ACP5: variants seen among roughly 807,000 people sequenced by gnomAD.
ACP5 encodes tartrate-resistant acid phosphatase type 5.
ACP5 carries 24 observed loss-of-function variants against 28.7 expected under a neutral mutation model. The ratio of observed to expected loss-of-function variants is 0.84; its 90% confidence interval spans 0.61 to 1.18. The LOEUF (loss-of-function observed/expected upper bound fraction) is 1.18, where lower values mean the gene tolerates loss of function less well. ACP5 is among the 50% of genes most tolerant of loss of function. The pLI is 0.00. For missense variants in ACP5, 354 were observed against 422.2 expected (o/e 0.84, Z 1.42); for synonymous variants, 154 against 181.4 (o/e 0.85, Z 1.21).
Position 11,576,244 on chromosome 19 carries a change from T to A in ACP5, c.734A>T (p.Gln245Leu). 6.2e-7 allele frequency: 1 copy of A among 1,600,856 alleles called. No individual in the cohort carries two copies. Among genetic ancestry groups the A allele is most frequent in the Non-Finnish European group, 8.5e-7 (1 of 1,177,012 alleles). ...CCACCCCACCCACAGGGCCCTCACCTGCAGATTGTGATCGTGGCCGCACAG... is the reference window on the plus strand; with the variant it reads ...CCACCCCACCCACAGGGCCCTCACCAGCAGATTGTGATCGTGGCCGCACAG... ...AYLCGHDHNL[Q>L]YLQDENGVGY... Residue 245 changes from glutamine (Q) to leucine (L), a missense_variant and splice_region_variant, in exon 4 of 5, where the codon CAG becomes CTG. Transcript: ENST00000648477.
chr19:11,576,225 C>A lies in ACP5; in HGVS notation c.735+18G>T. Reference sequence around the variant, plus strand: ...GACCCCCCTCACCCAGCTCCCACCCCACCCACAGGGCCCTCACCTGCAGAT... The same window carrying A: ...GACCCCCCTCACCCAGCTCCCACCCAACCCACAGGGCCCTCACCTGCAGAT... On this transcript the variant is annotated intron_variant, in intron 4 of 4. Transcript: ENST00000648477. 1 of 1,600,566 alleles carries A rather than the reference C, an allele frequency of 6.2e-7. No individual in the cohort carries two copies. The highest frequency in any genetic ancestry group is 2.2e-5 in the East Asian group (1 of 44,796).
intron 4 of ACP5, chr19:11,575,666 TG>T: frequency 4.0e-6 from 1 of 248,690 alleles, no homozygotes; most frequent in Non-Finnish European, 8.0e-6. Context: ...GAGATCAGCC[TG>T]GCCAACATGG....
chr19:11,577,594 C>G lies in ACP5; in HGVS notation c.-2G>C, dbSNP rs1334655159. The G allele has an allele frequency of 2.9e-5, 16 of 547,888 alleles. No homozygotes were observed. In the East Asian group the frequency reaches 5.1e-4, roughly 17 times the overall value. The allele number at this position is 547,888 out of a possible 1,614,324, so 33.9% of individuals were successfully genotyped here. ...CCACCTAGCCTGCCCAGCACTCACC[C>G]AGGGGGAGACACAGGCCAGTCACCG... On this transcript the variant is annotated splice_region_variant and 5_prime_UTR_variant, in exon 1 of 5. Coordinates refer to ENST00000648477, the MANE Select transcript of ACP5 (RefSeq NM_001611.5). The surrounding 1 kb of genome is among the most constrained non-coding windows in gnomAD (Gnocchi z 5.7).
At chr19:11,575,791 A>G (rs1973113364) in intron 4 of ACP5, among the ~76,000 whole-genome samples, 1 of 149,374 alleles carries the variant, frequency 6.7e-6, no homozygotes, top group African/African-American at 2.5e-5. Context: ...CAGGAGGCGG[A>G]GGTTGCAGTG....
At chr19:11,576,097 G>A in intron 4 of ACP5, 146 bp downstream of exon 4, 2 of 624,456 alleles carry the variant, frequency 3.2e-6, no homozygotes, top group East Asian at 5.7e-5. Flanking sequence ...TGTTTTCCTG[G>A]TTAGACAGCA....
Position 11,577,632 on chromosome 19 carries a change from G to A in ACP5, c.-40C>T. 2.0e-6 allele frequency: 1 copy of A among 499,872 alleles called. No homozygotes were observed. The highest frequency in any genetic ancestry group is 3.7e-6 in the Non-Finnish European group (1 of 272,602). The allele number at this position is 499,872 out of a possible 1,614,324, so 31.0% of individuals were successfully genotyped here. Reference sequence around the variant, plus strand: ...AGGCCAGTCACCGGAGGCTCTGAGAGGCTGGTGGGCTCTAGAGTAGAACTG... The same window carrying A: ...AGGCCAGTCACCGGAGGCTCTGAGAAGCTGGTGGGCTCTAGAGTAGAACTG... On this transcript the variant is annotated 5_prime_UTR_variant, in exon 1 of 5. Coordinates refer to ENST00000648477, the MANE Select transcript of ACP5 (RefSeq NM_001611.5). This position sits in a 1 kb window ranked among gnomAD's most constrained non-coding sequence, Gnocchi z 5.7.
chr19:11,575,314 C>T, intron 4 of ACP5, 62 bp from the exon 5 acceptor site: 3 of 1,602,370 alleles, frequency 1.9e-6, no homozygotes, highest in Non-Finnish European at 2.6e-6. Context: ...TGCCTAAGGT[C>T]CAGGGCTCGA....
At position 11,575,162 on chromosome 19, in the gene ACP5, T is replaced by C. The variant is rs1482562117; in HGVS notation, c.826A>G (p.Asn276Asp). Residue 276 changes from asparagine to aspartate, a missense_variant, in exon 5 of 5, where the codon AAC becomes GAC. By Grantham distance (23) the Asn-to-Asp change is conservative. Coordinates refer to ENST00000648477, the MANE Select transcript of ACP5 (RefSeq NM_001611.5). ...CCATAGTGGAAGCGCAGATAGCCGT[T>C]GGGGACCTTGCGCTGGTGCCGCTTT... Reference protein sequence around the residue: ...PSKRHQRKVPNGYLRFHYGTE... With the variant: ...PSKRHQRKVPDGYLRFHYGTE... 4 of 1,614,056 alleles carry C rather than the reference T, an allele frequency of 2.5e-6. No individual in the cohort carries two copies. The highest frequency in any genetic ancestry group is 3.4e-6 in the Non-Finnish European group (4 of 1,180,036).
In ACP5 at chr19:11,577,081, T is replaced by C; in HGVS notation, c.237A>G (p.Gln79=). ...LGDNFYFTGV[Q]DINDKRFQET... ...CCTGGAACCTCTTGTCATTGATGTC[T>C]TGCACACCAGTGAAGTAAAAATTGT... Residue 79 remains glutamine, a synonymous_variant, in exon 2 of 5, where the codon CAA becomes CAG. Transcript: ENST00000648477. The surrounding 1 kb of genome is among the most constrained non-coding windows in gnomAD (Gnocchi z 5.7). 6.2e-7 allele frequency: 1 copy of C among 1,614,118 alleles called. No individual in the cohort carries two copies. Among genetic ancestry groups the C allele is most frequent in the Admixed American group, 1.7e-5 (1 of 60,006 alleles).
chr19:11,574,786 A>G lies in ACP5; in HGVS notation c.*224T>C. ...CTCAGCAAAGGTGAGCCAGCCACAG[A>G]GCATAACACTGTGGCTGGGACACAT... On this transcript the variant is annotated 3_prime_UTR_variant, in exon 5 of 5. Coordinates refer to ENST00000648477, the MANE Select transcript of ACP5 (RefSeq NM_001611.5). 1 of 486,472 alleles carries G rather than the reference A, an allele frequency of 2.1e-6. No homozygotes were observed. The highest frequency in any genetic ancestry group is 3.8e-6 in the Non-Finnish European group (1 of 264,978). 30.1% of individuals were successfully genotyped at this position (486,472 alleles called of 1,614,324 possible). A position where few individuals can be genotyped will look rare whatever the true frequency, so the allele number is the denominator to read the frequency against.
chr19:11,575,395 GT>G, intron 4 of ACP5, 143 bp from the exon 5 acceptor site: 1 of 994,922 alleles, frequency 1.0e-6, no homozygotes, highest in South Asian at 1.4e-5. Context: ...ACTTTTAGGA[GT>G]GTATTAATCC....
Position 11,575,028 on chromosome 19 carries a change from C to G in ACP5, c.960G>C (p.Pro320=). 1 of 1,614,132 alleles carries G rather than the reference C, an allele frequency of 6.2e-7. No individual in the cohort carries two copies. Among genetic ancestry groups the G allele is most frequent in the Non-Finnish European group, 8.5e-7 (1 of 1,180,034 alleles). ...TGGGAGTTCAGGGCCTGGCTCGCCTCGGCAGCCTGGTCTTAAAGAGGGACT... is the reference window on the plus strand; with the variant it reads ...TGGGAGTTCAGGGCCTGGCTCGCCTGGGCAGCCTGGTCTTAAAGAGGGACT... ...SGKSLFKTRL[P]RRARP The change falls in exon 5 of 5, where the codon CCG becomes CCC. Residue 320 remains proline, a synonymous_variant. Transcript: ENST00000648477.
At chr19:11,577,692 T>C (rs981500741), upstream of ACP5, 57 of 366,306 alleles carry the variant, frequency 1.6e-4, no homozygotes, top group African/African-American at 1.1e-3. This position sits in a 1 kb window ranked among gnomAD's most constrained non-coding sequence, Gnocchi z 5.7. Flanking sequence ...GAGGAGGAAG[T>C]GGATCATTAG....
rs1357122385 is a variant in ACP5 at position 11,577,061 on chromosome 19, A to G, written c.257T>C (p.Phe86Ser). ...CCCACTCTGTTGGGCACAGACCTGG[A>G]ACCTCTTGTCATTGATGTCTTGCAC... ...TGVQDINDKR[F>S]QETFEDVFSD... Residue 86 changes from phenylalanine (F) to serine (S), a missense_variant, in exon 2 of 5, where the codon TTC becomes TCC. Physicochemically the swap from Phe to Ser is radical, Grantham distance 155. Transcript: ENST00000648477. The surrounding 1 kb of genome is among the most constrained non-coding windows in gnomAD (Gnocchi z 5.7). The G allele has an allele frequency of 6.2e-7, 1 of 1,613,956 alleles. No homozygotes were observed. The highest frequency in any genetic ancestry group is 8.5e-7 in the Non-Finnish European group (1 of 1,179,992).
At position 11,577,400 on chromosome 19, in the gene ACP5, G is replaced by A; in HGVS notation, c.1-83C>T. 1.3e-6 allele frequency: 2 copies of A among 1,483,226 alleles called. No individual in the cohort carries two copies. The highest frequency in any genetic ancestry group is 1.2e-5 in the South Asian group (1 of 83,530). 91.9% of individuals were successfully genotyped at this position (1,483,226 alleles called of 1,614,324 possible). On this transcript the variant is annotated intron_variant, in intron 1 of 4. Coordinates refer to ENST00000648477, the MANE Select transcript of ACP5 (RefSeq NM_001611.5). The surrounding 1 kb of genome is among the most constrained non-coding windows in gnomAD (Gnocchi z 5.7). Reference sequence around the variant, plus strand: ...TGAGACCCCCGCCTGCCCTGAGATAGAGGGAGACTGCTTGCTGCAGGCTGC... The same window carrying A: ...TGAGACCCCCGCCTGCCCTGAGATAAAGGGAGACTGCTTGCTGCAGGCTGC...
chr19:11,575,536 A>G, intron 4 of ACP5: 1 of 441,342 alleles, frequency 2.3e-6, no homozygotes, highest in Non-Finnish European at 4.2e-6. Context: ...CAGCCTGGGC[A>G]ACATAGTGAG....
chr19:11,577,322 G>A lies in ACP5; in HGVS notation c.1-5C>T. 1 of 1,613,616 alleles carries A rather than the reference G, an allele frequency of 6.2e-7. No individual in the cohort carries two copies. The highest frequency in any genetic ancestry group is 1.3e-5 in the African/African-American group (1 of 75,032). On this transcript the variant is annotated splice_region_variant and splice_polypyrimidine_tract_variant and intron_variant, in intron 1 of 4. Transcript: ENST00000648477. The surrounding 1 kb of genome is among the most constrained non-coding windows in gnomAD (Gnocchi z 5.7). ...CAGCGCCGTCCACATGTCCATCTGG[G>A]AGAAGAGAGACAAGCATAGGTGGCC...
chr19:11,575,571 G>T (rs953080068), intron 4 of ACP5: 4 of 375,648 alleles, frequency 1.1e-5, no homozygotes, highest in Admixed American at 7.4e-5. Flanking sequence ...AAAAAAATGC[G>T]CAAGGGCCAG....
In ACP5 at chr19:11,576,496, C is replaced by T. The variant is rs1209499721; in HGVS notation, c.482G>A (p.Cys161Tyr). ...AIFMLDTVTL[C>Y]GNSDDFLSQQ... ...GCTGAGGAAGTCATCTGAGTTGCCA[C>T]ATAGTGTCACTGTGTCCAGCATAAA... Residue 161 changes from cysteine to tyrosine, a missense_variant, in exon 4 of 5, where the codon TGT becomes TAT. Physicochemically the swap from Cys to Tyr is radical, Grantham distance 194 (BLOSUM62 -2). Coordinates refer to ENST00000648477, the MANE Select transcript of ACP5 (RefSeq NM_001611.5). 1.2e-6 allele frequency: 2 copies of T among 1,614,032 alleles called. No homozygotes were observed. The highest frequency in any genetic ancestry group is 1.3e-5 in the African/African-American group (1 of 74,924).
Sources: allele counts gnomAD v4.1 joint callset (sites outside exome capture counted in the v4.1 genomes callset), GRCh38; gene constraint gnomAD v4.1.1; non-coding constraint Gnocchi (gnomAD v3.1); transcripts MANE v1.5; gene names NCBI Gene and HGNC (gene_info 2026-07-23, HGNC 2026-07-21).